KMT2C: variants seen among roughly 807,000 people sequenced by gnomAD.
The protein encoded by KMT2C is lysine methyltransferase 2C.
KMT2C carries 88 observed loss-of-function variants against 507.9 expected under a neutral mutation model. The observed-to-expected ratio is 0.17, with a 90% confidence interval of 0.15 to 0.21. KMT2C has a LOEUF of 0.21. KMT2C is among the 10% of genes least tolerant of loss of function. KMT2C has a pLI of 1.00. For missense variants in KMT2C, 4,954 were observed against 5,957.8 expected (o/e 0.83, Z 5.55); for synonymous variants, 2,049 against 2,080.8 (o/e 0.98, Z 0.42).
intron 6 of KMT2C, among the ~76,000 whole-genome samples, chr7:152,304,413 CAGAAAATT>C (rs2096597240): frequency 6.6e-6 from 1 of 152,140 alleles, no homozygotes; most frequent in Admixed American, 6.5e-5. Flanking sequence ...TTAAACATAT[CAGAAAATT>C]CCATGTTCAA....
At position 152,148,550 on chromosome 7, in the gene KMT2C, T is replaced by C. The variant is rs779907579; in HGVS notation, c.13377A>G (p.Gln4459=). 3 of 1,614,258 alleles carry C rather than the reference T, an allele frequency of 1.9e-6. No individual in the cohort carries two copies. Among genetic ancestry groups the C allele is most frequent in the Non-Finnish European group, 2.5e-6 (3 of 1,180,060 alleles). ...TCTTGTGACAGAAGACACATTTCAT[T>C]TGTAGGCCTCTCCTCAGAGCTAGCT... ...NVELALRRGL[Q]MKCVFCHKTG... Residue 4459 remains glutamine, a synonymous_variant, in exon 52 of 59, where the codon CAA becomes CAG. Transcript: ENST00000262189. The surrounding 1 kb of genome is among the most constrained non-coding windows in gnomAD (Gnocchi z 7.1).
intron 2 of KMT2C, among the ~76,000 whole-genome samples, chr7:152,338,397 G>T (rs1304064005): frequency 1.3e-5 from 2 of 152,058 alleles, no homozygotes; most frequent in East Asian, 3.9e-4. Context: ...ACGTTTAATG[G>T]ATCTAGATGA....
chr7:152,241,212 C>T (rs1424814860), intron 14 of KMT2C, among the ~76,000 whole-genome samples: 2 of 151,972 alleles, frequency 1.3e-5, no homozygotes, highest in Non-Finnish European at 2.9e-5. Context: ...TTCTTTCTTT[C>T]TTTTTGAGAT....
At chr7:152,272,393 T>C (rs867714920) in intron 7 of KMT2C, among the ~76,000 whole-genome samples, 2 of 152,174 alleles carry the variant, frequency 1.3e-5, no homozygotes, top group African/African-American at 4.8e-5. Flanking sequence ...GTCTAAAGCA[T>C]GATTAACTAC....
In KMT2C at chr7:152,195,910, A is replaced by T; in HGVS notation, c.4375T>A (p.Ser1459Thr). Residue 1459 changes from serine to threonine, a missense_variant, in exon 28 of 59, where the codon TCA (serine) becomes ACA (threonine). Ser to Thr is a moderately conservative substitution (Grantham distance 58). Around this residue, in one of 29 missense-constraint regions of KMT2C, gnomAD observed 140 missense variants for 118.4 expected, o/e 1.18. Transcript: ENST00000262189. ...GGTAAACAGTATTCATATATACCTG[A>T]ATGATCAACTGATTTTGCTAGATCA... ...SDDLAKSVDH[S>T]DIGPVTDDPS... 1 of 1,559,980 alleles carries T rather than the reference A, an allele frequency of 6.4e-7. No individual in the cohort carries two copies. The highest frequency in any genetic ancestry group is 8.8e-7 in the Non-Finnish European group (1 of 1,133,208).
intron 31 of KMT2C, among the ~76,000 whole-genome samples, chr7:152,189,481 AT>A (rs200645747): frequency 2.2e-4 from 33 of 151,696 alleles, no homozygotes; most frequent in African/African-American, 7.0e-4. Context: ...TGATCACTTG[AT>A]TTTTTTTTAT....
rs1405331585 is a variant in KMT2C at position 152,144,139 on chromosome 7, T to C, written c.14343+574A>G. Among the ~76,000 whole-genome samples, 2 of 152,220 alleles carry C rather than the reference T, an allele frequency of 1.3e-5. No individual in the cohort carries two copies. Among genetic ancestry groups the C allele is most frequent in the Non-Finnish European group, 2.9e-5 (2 of 68,036 alleles). On this transcript the variant is annotated intron_variant, in intron 55 of 58. Coordinates refer to ENST00000262189, the MANE Select transcript of KMT2C (RefSeq NM_170606.3). The surrounding 1 kb of genome is among the most constrained non-coding windows in gnomAD (Gnocchi z 4.4). Reference sequence around the variant, plus strand: ...CAAGTTTGACAAAGTAAGAGCTTTGTAATTCCATTCTGAGACATCCAAGGA... The same window carrying C: ...CAAGTTTGACAAAGTAAGAGCTTTGCAATTCCATTCTGAGACATCCAAGGA...
At chr7:152,180,271 T>A in intron 36 of KMT2C, 145 bp from the exon 37 acceptor site, 1 of 831,164 alleles carries the variant, frequency 1.2e-6, no homozygotes, top group Non-Finnish European at 1.9e-6. Flanking sequence ...TCCTCCTGTC[T>A]CAGCCTCTCA....
At chr7:152,357,286 A>T (rs1466206280) in intron 2 of KMT2C, among the ~76,000 whole-genome samples, 2 of 152,130 alleles carry the variant, frequency 1.3e-5, no homozygotes, top group Non-Finnish European at 2.9e-5. Flanking sequence ...GCACTTTGGG[A>T]GGCTGAGGTG....
Position 152,177,525 on chromosome 7 carries a change from G to C in KMT2C, c.7928C>G (p.Ser2643Cys), listed in dbSNP as rs2129114953. 1.9e-6 allele frequency: 3 copies of C among 1,614,200 alleles called. No individual in the cohort carries two copies. The highest frequency in any genetic ancestry group is 2.5e-6 in the Non-Finnish European group (3 of 1,180,036). Residue 2643 changes from serine (S) to cysteine (C), a missense_variant, in exon 38 of 59, where the codon TCT (serine) becomes TGT (cysteine). Physicochemically the swap from Ser to Cys is moderately radical, Grantham distance 112. Coordinates refer to ENST00000262189, the MANE Select transcript of KMT2C (RefSeq NM_170606.3). ...QEQGHSVHSS[S>C]MVMRTLNHPL... is the part of the protein sequence containing the mutation. ...ATGGTTCAGAGTCCTCATGACCATAGAAGATGAATGGACAGAATGACCTTG... is the reference window on the plus strand; with the variant it reads ...ATGGTTCAGAGTCCTCATGACCATACAAGATGAATGGACAGAATGACCTTG...
chr7:152,423,228 T>C (rs886867565), intron 1 of KMT2C, among the ~76,000 whole-genome samples: 2 of 151,896 alleles, frequency 1.3e-5, no homozygotes, highest in African/African-American at 4.8e-5. Context: ...TAATCCCAGC[T>C]ACTTGGGAGG....
At chr7:152,189,802 G>C (rs2093735428) in intron 31 of KMT2C, among the ~76,000 whole-genome samples, 1 of 152,146 alleles carries the variant, frequency 6.6e-6, no homozygotes, top group South Asian at 2.1e-4. Flanking sequence ...GGATTAAAGG[G>C]CAAGATTTCT....
rs759319798 is a variant in KMT2C, at chr7:152,155,991, C to T, written c.11879G>A (p.Arg3960Gln). The T allele has an allele frequency of 2.5e-5, 41 of 1,610,260 alleles. No homozygotes were observed. Among genetic ancestry groups the T allele is most frequent in the Non-Finnish European group, 3.1e-5 (37 of 1,179,198 alleles). ...TGTCTTGGGGCCCTGAGCAAGAGCT[C>T]GGGCCAACAAGTCGTCCTGGGGTCT... is the stretch of plus-strand genomic sequence containing the variant. The part of the protein sequence containing the change: ...PFRPQDDLLA[R>Q]ALAQGPKTVD... Residue 3960 changes from arginine (R) to glutamine (Q), a missense_variant, in exon 46 of 59, where the codon CGA becomes CAA. Coordinates refer to ENST00000262189, the MANE Select transcript of KMT2C (RefSeq NM_170606.3).
At chr7:152,290,284 ATATATATATATTTTTTTTTTTTT>A (rs2096399656) in intron 6 of KMT2C, among the ~76,000 whole-genome samples, 11 of 33,974 alleles carry the variant, frequency 3.2e-4, no homozygotes, top group African/African-American at 1.5e-3. Context: ...ATATATATAT[ATATATATATATTTTTTTTTTTTT>A]TTTTTTTTTT....
At chr7:152,377,606 A>C (rs2097339067) in intron 1 of KMT2C, among the ~76,000 whole-genome samples, 1 of 151,988 alleles carries the variant, frequency 6.6e-6, no homozygotes, top group Non-Finnish European at 1.5e-5. Flanking sequence ...GTGGTGGCAC[A>C]CACCTGTAGT....
chr7:152,377,720 G>C (rs1450503028), intron 1 of KMT2C, among the ~76,000 whole-genome samples: 1 of 142,970 alleles, frequency 7.0e-6, no homozygotes, highest in Non-Finnish European at 1.5e-5. Context: ...GGGCGACAAA[G>C]CGAGACTCCG....
At chr7:152,428,458 C>CAAAAAAAAAAAAAAAA (rs140697569) in intron 1 of KMT2C, among the ~76,000 whole-genome samples, 1 of 73,516 alleles carries the variant, frequency 1.4e-5, no homozygotes, top group African/African-American at 5.2e-5. Flanking sequence ...ACTAAAAATA[C>CAAAAAAAAAAAAAAAA]AAAAAAAAAA....
intron 27 of KMT2C, among the ~76,000 whole-genome samples, 200 bp from the exon 28 acceptor site, chr7:152,196,211 G>A (rs943157153): frequency 2.6e-5 from 4 of 152,088 alleles, no homozygotes; most frequent in African/African-American, 7.2e-5. Context: ...AAATTCAGAC[G>A]ATTTTGTCTT....
chr7:152,158,598 C>G (rs755530185), intron 44 of KMT2C, among the ~76,000 whole-genome samples: 2 of 152,040 alleles, frequency 1.3e-5, no homozygotes, highest in Admixed American at 6.5e-5. Context: ...TCACTGCAAC[C>G]TCTGCCATCC....
Sources: gnomAD v4.1 joint callset for allele counts (sites outside exome capture counted in the v4.1 genomes callset) on GRCh38, gnomAD v4.1.1 for gene constraint, gnomAD v4.1.1 regional missense constraint, Gnocchi (gnomAD v3.1) non-coding constraint, MANE v1.5 for transcripts, NCBI Gene and HGNC (gene_info 2026-07-23, HGNC 2026-07-21) for gene names.